The following ARHGAP12 variants were observed in gnomAD, a reference collection of about 807,000 sequenced individuals.
The protein encoded by ARHGAP12 is rho GTPase-activating protein 12.
ARHGAP12 carries 64 observed loss-of-function variants against 108.6 expected under a neutral mutation model. The ratio of observed to expected loss-of-function variants is 0.59; its 90% confidence interval spans 0.48 to 0.73. The LOEUF is 0.73. ARHGAP12 is among the 30% of genes least tolerant of loss of function. ARHGAP12 has a pLI of 0.00. For synonymous variants in ARHGAP12, 312 were observed against 337.2 expected, an observed-to-expected ratio of 0.93 and a Z score of 0.82; for missense variants, 940 against 1,005.9, an observed-to-expected ratio of 0.93 and a Z score of 0.89.
At chr10:31,831,972 T>C (rs1011088584) in intron 9 of ARHGAP12, among the ~76,000 whole-genome samples, 172 bp from the exon 10 acceptor site, 11 of 152,214 alleles carry the variant, frequency 7.2e-5, no homozygotes, top group African/African-American at 2.7e-4. Flanking sequence ...ACTTTCCTAA[T>C]ACTTTTGTAG....
chr10:31,838,305 T>C (rs1836105344), intron 9 of ARHGAP12, among the ~76,000 whole-genome samples: 1 of 151,856 alleles, frequency 6.6e-6, no homozygotes, highest in African/African-American at 2.4e-5. Flanking sequence ...GAAAAGGAAA[T>C]ATGAGATGAG....
intron 3 of ARHGAP12, among the ~76,000 whole-genome samples, chr10:31,902,670 C>CAA (rs200905333): frequency 1.7e-5 from 2 of 116,888 alleles, no homozygotes; most frequent in Admixed American, 8.8e-5. Context: ...GACCCCATCT[C>CAA]AAAAAAAAAA....
Position 31,872,990 on chromosome 10 carries a change from T to G in ARHGAP12, c.685-11332A>C, listed in dbSNP as rs116048400. On this transcript the variant is annotated intron_variant, in intron 3 of 19. Coordinates refer to ENST00000344936, the MANE Select transcript of ARHGAP12 (RefSeq NM_018287.7). ...AAAACCATAAAGAACTGATTCAAAC[T>G]CTTTGAAATGTTCCCCTGTTCCCCA... Among the ~76,000 whole-genome samples the G allele has an allele frequency of 3.5e-3, 527 of 152,276 alleles. 2 individuals are homozygous for G. Among genetic ancestry groups the G allele is most frequent in the Non-Finnish European group, 6.2e-3 (419 of 68,024 alleles).
intron 12 of ARHGAP12, among the ~76,000 whole-genome samples, chr10:31,819,509 G>A (rs1267438324): frequency 1.3e-5 from 2 of 152,128 alleles, no homozygotes; most frequent in Non-Finnish European, 2.9e-5. Flanking sequence ...CTGAATACTT[G>A]GCTAGTCTCC....
intron 3 of ARHGAP12, among the ~76,000 whole-genome samples, chr10:31,899,269 T>G (rs981763363): frequency 1.3e-5 from 2 of 152,224 alleles, no homozygotes; most frequent in Non-Finnish European, 2.9e-5. Context: ...ATAGTCCTTG[T>G]CCATGAATTA....
At position 31,810,665 on chromosome 10, in the gene ARHGAP12, TTCAATA is replaced by T; in HGVS notation, c.2028_2033del (p.Cys676_Glu678delinsTer). The T allele has an allele frequency of 1.3e-6, 2 of 1,597,222 alleles. No individual in the cohort carries two copies. The highest frequency in any genetic ancestry group is 1.7e-6 in the Non-Finnish European group (2 of 1,173,544). The stretch of plus-strand genomic sequence containing the variant: ...TTCTCTTACCATGTTCTTCAACATG[TTCAATA>T]CATAACTTCACAAACTTTGGTACTG... On this transcript the variant is annotated stop_gained and inframe_deletion, in exon 16 of 20. Coordinates refer to ENST00000344936, the MANE Select transcript of ARHGAP12 (RefSeq NM_018287.7). LOFTEE classifies it high-confidence loss of function.
chr10:31,890,721 T>G (rs1838392426), intron 3 of ARHGAP12, among the ~76,000 whole-genome samples: 1 of 152,168 alleles, frequency 6.6e-6, no homozygotes, highest in African/African-American at 2.4e-5. Flanking sequence ...TTTACACTTG[T>G]TTTTAGATTC....
intron 13 of ARHGAP12, among the ~76,000 whole-genome samples, chr10:31,816,363 AC>A (rs1313771305): frequency 2.6e-5 from 4 of 152,028 alleles, no homozygotes; most frequent in African/African-American, 9.7e-5. Flanking sequence ...AGAATGCTGT[AC>A]CCCCCTACCA....
rs1299971033 is a variant in ARHGAP12 at position 31,908,305 on chromosome 10, T to G, written c.551A>C (p.Glu184Ala). ...TRSFGHFPGP[E>A]FLDVEKTSFS... is the part of the protein sequence containing the mutation. ...GCTAGTTTTCTCTACATCCAAGAAC[T>G]CTGGACCGGGAAAATGACCAAATGA... Residue 184 changes from glutamate to alanine, a missense_variant, in exon 3 of 20, where the codon GAG becomes GCG. Coordinates refer to ENST00000344936, the MANE Select transcript of ARHGAP12 (RefSeq NM_018287.7). The G allele has an allele frequency of 6.2e-7, 1 of 1,614,160 alleles. No homozygotes were observed. Among genetic ancestry groups the G allele is most frequent in the Admixed American group, 1.7e-5 (1 of 60,010 alleles).
intron 16 of ARHGAP12, among the ~76,000 whole-genome samples, chr10:31,810,027 C>G (rs1210582014): frequency 3.3e-5 from 5 of 152,054 alleles, no homozygotes; most frequent in Non-Finnish European, 1.5e-5. Context: ...CTGTAACTGG[C>G]AGAAATTACA....
intron 4 of ARHGAP12, among the ~76,000 whole-genome samples, chr10:31,856,464 A>C (rs938425339): frequency 1.6e-4 from 25 of 152,278 alleles, no homozygotes; most frequent in Non-Finnish European, 2.8e-4. Flanking sequence ...AACCATTAAC[A>C]AATTTTGCTC....
intron 3 of ARHGAP12, among the ~76,000 whole-genome samples, chr10:31,888,891 G>A (rs1420686593): frequency 6.6e-6 from 1 of 151,696 alleles, no homozygotes; most frequent in Non-Finnish European, 1.5e-5. Context: ...GAGAAAAGAT[G>A]GATGGGAGGT....
At chr10:31,817,709 C>T in intron 13 of ARHGAP12, 79 bp downstream of exon 13, 4 of 907,418 alleles carry the variant, frequency 4.4e-6, no homozygotes, top group Non-Finnish European at 6.7e-6. Context: ...AGATTGCAAT[C>T]CGGATATCCA....
At chr10:31,887,661 G>GTT (rs574894424) in intron 3 of ARHGAP12, among the ~76,000 whole-genome samples, 106 of 130,364 alleles carry the variant, frequency 8.1e-4, no homozygotes, top group South Asian at 1.5e-3. Flanking sequence ...TTTTTTTTTT[G>GTT]TTTTTTTTTT....
At chr10:31,895,587 A>G (rs575094006) in intron 3 of ARHGAP12, among the ~76,000 whole-genome samples, 1 of 152,316 alleles carries the variant, frequency 6.6e-6, no homozygotes, top group Admixed American at 6.5e-5. Flanking sequence ...AAAAGTCAGG[A>G]AACAACAGGT....
At chr10:31,921,087 G>A (rs532648683) in intron 1 of ARHGAP12, among the ~76,000 whole-genome samples, 6 of 152,084 alleles carry the variant, frequency 3.9e-5, no homozygotes, top group African/African-American at 1.4e-4. Flanking sequence ...GACCAGCCTG[G>A]TGAGTTTTGA....
chr10:31,907,472 AAT>A (rs201279681), intron 3 of ARHGAP12, among the ~76,000 whole-genome samples: 34,621 of 143,042 alleles, frequency 0.24, 4,185 homozygotes, highest in Non-Finnish European at 0.3. Flanking sequence ...AAAAAAAAAA[AAT>A]TTTTTTTTAA....
chr10:31,831,215 A>C (rs1835820105), intron 10 of ARHGAP12, among the ~76,000 whole-genome samples: 1 of 152,240 alleles, frequency 6.6e-6, no homozygotes, highest in African/African-American at 2.4e-5. Context: ...ACAACTATGC[A>C]GTAGATTAAA....
chr10:31,893,173 A>C (rs920845760), intron 3 of ARHGAP12, among the ~76,000 whole-genome samples: 1 of 152,240 alleles, frequency 6.6e-6, no homozygotes, highest in Non-Finnish European at 1.5e-5. Context: ...TGACACCCTA[A>C]CATCACAATT....
Sources: gnomAD v4.1 joint callset for allele counts (sites outside exome capture counted in the v4.1 genomes callset) on GRCh38, gnomAD v4.1.1 for gene constraint, MANE v1.5 for transcripts, NCBI Gene and HGNC (gene_info 2026-07-23, HGNC 2026-07-21) for gene names.